Variants in FBXL17 observed in about 807,000 individuals in gnomAD.
FBXL17 encodes the protein F-box and leucine rich repeat protein 17.
Under a neutral mutation model 66.2 loss-of-function variants are expected in FBXL17, and 22 were observed. The observed-to-expected ratio is 0.33, with a 90% CI of 0.24 to 0.47. The LOEUF (loss-of-function observed/expected upper bound fraction) is 0.47. Among genes scored for constraint, FBXL17 ranks in the 20% least tolerant of loss-of-function variants. The pLI, the probability that FBXL17 is intolerant of heterozygous loss-of-function variation, is 1.00. For synonymous variants in FBXL17, 474 were observed against 400.5 expected (o/e 1.18, Z -2.19); for missense variants, 878 against 948.2 (o/e 0.93, Z 0.97).
chr5:108,021,601 A>T (rs1360456400), intron 6 of FBXL17, among the ~76,000 whole-genome samples: 1 of 151,784 alleles, frequency 6.6e-6, no homozygotes, highest in Non-Finnish European at 1.5e-5. Context: ...CCATTTTAAC[A>T]ATATAGATAC....
intron 6 of FBXL17, among the ~76,000 whole-genome samples, chr5:108,172,674 A>G (rs1580552673): frequency 6.6e-6 from 1 of 152,360 alleles, no homozygotes; most frequent in African/African-American, 2.4e-5. Context: ...GTCTGATACC[A>G]TCATTTAAGT....
At chr5:107,874,462 C>G (rs1748554295) in intron 8 of FBXL17, among the ~76,000 whole-genome samples, 1 of 152,194 alleles carries the variant, frequency 6.6e-6, no homozygotes, top group Admixed American at 6.5e-5. Context: ...TGTAACAACC[C>G]TATGAGATAA....
intron 7 of FBXL17, among the ~76,000 whole-genome samples, chr5:107,911,871 C>G (rs1327084788): frequency 6.6e-6 from 1 of 151,682 alleles, no homozygotes; most frequent in East Asian, 1.9e-4. Flanking sequence ...GCAATGGTTA[C>G]AAATAATTTA....
intron 7 of FBXL17, among the ~76,000 whole-genome samples, chr5:107,993,176 T>C (rs1753328149): frequency 6.6e-6 from 1 of 152,202 alleles, no homozygotes; most frequent in Non-Finnish European, 1.5e-5. Context: ...ATTACAGGCG[T>C]GAGCCACCGC....
intron 4 of FBXL17, among the ~76,000 whole-genome samples, chr5:108,287,544 G>T (rs1757947420): frequency 6.6e-6 from 1 of 151,428 alleles, no homozygotes; most frequent in Non-Finnish European, 1.5e-5. Flanking sequence ...ATTAGAGAAT[G>T]CAAAGAAAAA....
chr5:107,933,902 C>G (rs2112579032), intron 7 of FBXL17, among the ~76,000 whole-genome samples: 1 of 152,190 alleles, frequency 6.6e-6, no homozygotes, highest in Middle Eastern at 3.4e-3. Flanking sequence ...CCCCCATGAT[C>G]AGCTTCAAAC....
intron 6 of FBXL17, among the ~76,000 whole-genome samples, chr5:108,057,582 G>A (rs1747757930): frequency 6.6e-6 from 1 of 152,146 alleles, no homozygotes; most frequent in Non-Finnish European, 1.5e-5. Flanking sequence ...CAAATTAAAT[G>A]CACAATCTTC....
intron 7 of FBXL17, among the ~76,000 whole-genome samples, chr5:107,973,354 ATT>A (rs200079422): frequency 2.6e-4 from 31 of 120,448 alleles, no homozygotes; most frequent in African/African-American, 3.5e-4. Flanking sequence ...TTTTTTTGTA[ATT>A]TTTTTTTTTT....
intron 4 of FBXL17, among the ~76,000 whole-genome samples, chr5:108,255,277 T>C (rs1756528155): frequency 6.6e-6 from 1 of 152,204 alleles, no homozygotes; most frequent in Non-Finnish European, 1.5e-5. Context: ...GCATGCAGCA[T>C]ATTTTAATAT....
chr5:108,232,372 T>C (rs550742160), intron 4 of FBXL17, among the ~76,000 whole-genome samples: 1 of 152,170 alleles, frequency 6.6e-6, no homozygotes, highest in Admixed American at 6.5e-5. Flanking sequence ...TCTCAGGAGA[T>C]GTGTATGGGT....
At chr5:107,904,275 C>T (rs912849693) in intron 7 of FBXL17, among the ~76,000 whole-genome samples, 23 of 152,126 alleles carry the variant, frequency 1.5e-4, no homozygotes, top group Non-Finnish European at 2.9e-4. Context: ...GAGACACCCC[C>T]TTCTCCCGCT....
At chr5:107,999,794 TTGAA>T (rs1277003059) in intron 7 of FBXL17, among the ~76,000 whole-genome samples, 1 of 152,178 alleles carries the variant, frequency 6.6e-6, no homozygotes, top group Non-Finnish European at 1.5e-5. Flanking sequence ...TACTGGTTGA[TTGAA>T]TGAATGGATA....
intron 7 of FBXL17, among the ~76,000 whole-genome samples, chr5:107,983,129 C>T (rs1330863112): frequency 6.6e-6 from 1 of 152,138 alleles, no homozygotes; most frequent in Non-Finnish European, 1.5e-5. Context: ...TTCTTTGATG[C>T]TATTTGCTTA....
chr5:108,290,709 A>G (rs888895447), intron 4 of FBXL17, among the ~76,000 whole-genome samples: 2 of 152,138 alleles, frequency 1.3e-5, no homozygotes, highest in African/African-American at 4.8e-5. Flanking sequence ...TTTAGATCCT[A>G]TATCTTTCAA....
Position 107,879,940 on chromosome 5 carries a change from A to G in FBXL17, c.1965+1097T>C, listed in dbSNP as rs771192096. The G allele has an allele frequency of 4.1e-6, 4 of 982,190 alleles. No individual in the cohort carries two copies. In the African/African-American group the frequency reaches 7.0e-5, roughly 17 times the overall value. 60.8% of individuals were successfully genotyped at this position (982,190 alleles called of 1,614,324 possible). On this transcript the variant is annotated intron_variant, in intron 8 of 8. Transcript: ENST00000542267. ...TTGCCAGAGTATCCTGGGGCCACTG[A>G]CTGGTCTTTCTGAGCCTCCATTTTC...
At chr5:108,295,389 C>T (rs948155628) in intron 4 of FBXL17, among the ~76,000 whole-genome samples, 3 of 151,824 alleles carry the variant, frequency 2.0e-5, no homozygotes, top group Non-Finnish European at 2.9e-5. Flanking sequence ...CACACTTAAT[C>T]CTCATAGTAT....
chr5:108,108,780 G>GTTTTTTT (rs201883285), intron 6 of FBXL17, among the ~76,000 whole-genome samples: 2 of 122,154 alleles, frequency 1.6e-5, no homozygotes, highest in Non-Finnish European at 3.5e-5. Flanking sequence ...CTCACACTTT[G>GTTTTTTT]TTTTTGTTTT....
chr5:107,946,749 T>C (rs538327267), intron 7 of FBXL17, among the ~76,000 whole-genome samples: 3 of 152,050 alleles, frequency 2.0e-5, no homozygotes, highest in Non-Finnish European at 4.4e-5. Context: ...ATATGCAGAA[T>C]AGTGTATATA....
At chr5:107,905,310 C>T (rs1749717809) in intron 7 of FBXL17, among the ~76,000 whole-genome samples, 1 of 152,060 alleles carries the variant, frequency 6.6e-6, no homozygotes, top group African/African-American at 2.4e-5. Flanking sequence ...CCTTCTTAAA[C>T]ATTTTCTGTT....
Sources: gnomAD v4.1 joint callset for allele counts (sites outside exome capture counted in the v4.1 genomes callset) on GRCh38, gnomAD v4.1.1 for gene constraint, MANE v1.5 for transcripts, NCBI Gene and HGNC (gene_info 2026-07-23, HGNC 2026-07-21) for gene names.